Variants in SBF2 observed in about 807,000 individuals in gnomAD.
SBF2 encodes the protein myotubularin-related protein 13.
In SBF2, 112 loss-of-function variants were observed where a neutral mutation model predicts 225.2. The observed-to-expected ratio is 0.50, with a 90% confidence interval of 0.43 to 0.58. The LOEUF (loss-of-function observed/expected upper bound fraction) is 0.58, where lower values mean the gene tolerates loss of function less well. SBF2 is among the 20% of genes least tolerant of loss of function. SBF2 has a pLI of 0.00. For missense variants in SBF2, 1,996 were observed against 2,206.2 expected, an observed-to-expected ratio of 0.90 and a Z score of 1.91; for synonymous variants, 763 against 773.3, an observed-to-expected ratio of 0.99 and a Z score of 0.22.
At chr11:10,016,067 A>G (rs939872971) in intron 6 of SBF2, among the ~76,000 whole-genome samples, 4 of 151,758 alleles carry the variant, frequency 2.6e-5, no homozygotes, top group African/African-American at 9.7e-5. Flanking sequence ...ATGAGCCACC[A>G]TGCCTGGCCC....
intron 28 of SBF2, among the ~76,000 whole-genome samples, chr11:9,822,684 T>C (rs1175646900): frequency 1.3e-5 from 2 of 152,230 alleles, no homozygotes; most frequent in East Asian, 3.8e-4. Context: ...AGGAATGCGT[T>C]ACTGTTCAGA....
At chr11:10,255,947 G>GCTCC (rs1278769305) in intron 1 of SBF2, among the ~76,000 whole-genome samples, 1 of 152,166 alleles carries the variant, frequency 6.6e-6, no homozygotes, top group African/African-American at 2.4e-5. Flanking sequence ...AGTCCCTGTT[G>GCTCC]CTCCCACCTG....
chr11:10,055,531 ACACAC>A (rs1321757605), intron 2 of SBF2, among the ~76,000 whole-genome samples: 1 of 49,058 alleles, frequency 2.0e-5, no homozygotes, highest in Non-Finnish European at 5.0e-5. Flanking sequence ...TGATACACAC[ACACAC>A]ACACACACAC....
intron 16 of SBF2, among the ~76,000 whole-genome samples, chr11:9,941,416 C>T (rs538862447): frequency 6.6e-6 from 1 of 152,198 alleles, no homozygotes; most frequent in Non-Finnish European, 1.5e-5. Context: ...AAGGAACACA[C>T]GATTTCACTC....
intron 16 of SBF2, among the ~76,000 whole-genome samples, chr11:9,925,401 C>A (rs943416202): frequency 1.3e-5 from 2 of 152,146 alleles, no homozygotes; most frequent in Non-Finnish European, 2.9e-5. Flanking sequence ...CCTCAGCCTC[C>A]CAAGTAGCTG....
chr11:10,006,818 G>A (rs987852333), intron 6 of SBF2, among the ~76,000 whole-genome samples: 2 of 152,116 alleles, frequency 1.3e-5, no homozygotes, highest in African/African-American at 4.8e-5. Context: ...GGGAAGTTCA[G>A]CCCCCTTGCA....
chr11:10,265,027 T>G (rs187564658), intron 1 of SBF2, among the ~76,000 whole-genome samples: 222 of 152,338 alleles, frequency 1.5e-3, no homozygotes, highest in Middle Eastern at 0.014. Flanking sequence ...TTGTGAGTAG[T>G]GTCGCAGTAA....
chr11:9,872,184 T>C (rs936798712), intron 17 of SBF2, among the ~76,000 whole-genome samples: 3 of 152,026 alleles, frequency 2.0e-5, no homozygotes, highest in Non-Finnish European at 4.4e-5. Context: ...TAGATGGAGG[T>C]GGAAGCTATT....
intron 2 of SBF2, among the ~76,000 whole-genome samples, chr11:10,128,438 C>G (rs1302876028): frequency 6.6e-6 from 1 of 152,238 alleles, no homozygotes; most frequent in African/African-American, 2.4e-5. Flanking sequence ...TTCCTCTTTT[C>G]CCTGTAAGAA....
intron 16 of SBF2, among the ~76,000 whole-genome samples, chr11:9,939,199 G>A (rs906756773): frequency 3.3e-5 from 5 of 152,020 alleles, no homozygotes; most frequent in Admixed American, 2.0e-4. Flanking sequence ...AGGTTCAAGC[G>A]AGTCTCCTGC....
chr11:10,083,089 C>T (rs1951431157), intron 2 of SBF2, among the ~76,000 whole-genome samples: 1 of 152,002 alleles, frequency 6.6e-6, no homozygotes, highest in Non-Finnish European at 1.5e-5. Flanking sequence ...CAATAACTAC[C>T]AAACTGAGAA....
At chr11:10,038,184 G>C (rs1302314394) in intron 3 of SBF2, among the ~76,000 whole-genome samples, 2 of 151,812 alleles carry the variant, frequency 1.3e-5, no homozygotes, top group African/African-American at 4.8e-5. Flanking sequence ...TAGTATATGT[G>C]GTTATTATTT....
At chr11:10,296,951 A>G (rs1364613675), upstream of SBF2, among the ~76,000 whole-genome samples, 1 of 152,198 alleles carries the variant, frequency 6.6e-6, no homozygotes, top group Non-Finnish European at 1.5e-5. Flanking sequence ...TTCCCTAAAG[A>G]CTAATGATGT....
In SBF2 at chr11:10,294,103, C is replaced by T; in HGVS notation, c.-34G>A. ...CCGCCGCGCTCGGGAAGCGGGTCCCCGTCGCCGCCCTCGCCGCCGCCGCCC... is the reference window on the plus strand; with the variant it reads ...CCGCCGCGCTCGGGAAGCGGGTCCCTGTCGCCGCCCTCGCCGCCGCCGCCC... On this transcript the variant is annotated 5_prime_UTR_variant, in exon 1 of 40. Coordinates refer to ENST00000256190, the MANE Select transcript of SBF2 (RefSeq NM_030962.4). 7.5e-7 allele frequency: 1 copy of T among 1,324,762 alleles called. No individual in the cohort carries two copies. Among genetic ancestry groups the T allele is most frequent in the South Asian group, 2.1e-5 (1 of 46,588 alleles). 82.1% of individuals were successfully genotyped at this position (1,324,762 alleles called of 1,614,324 possible).
chr11:9,874,696 C>T (rs7943244), intron 17 of SBF2, among the ~76,000 whole-genome samples: 1 of 152,088 alleles, frequency 6.6e-6, no homozygotes, highest in South Asian at 2.1e-4. Context: ...CACTGAGGTA[C>T]TGCCTACACA....
chr11:9,962,146 T>C (rs1866614626), intron 15 of SBF2, 40 bp from the exon 16 acceptor site: 1 of 1,592,162 alleles, frequency 6.3e-7, no homozygotes, highest in Non-Finnish European at 8.6e-7. Flanking sequence ...ATGGTACCAC[T>C]GGGGGAAACA....
intron 35 of SBF2, chr11:9,788,085 G>A (rs923465111): frequency 2.9e-6 from 1 of 341,152 alleles, no homozygotes; most frequent in African/African-American, 2.1e-5. Context: ...CTGGCCCGTG[G>A]CCCAGCCCTA....
At chr11:10,031,027 T>C in intron 4 of SBF2, 21 bp downstream of exon 4, 1 of 1,594,724 alleles carries the variant, frequency 6.3e-7, no homozygotes, top group Non-Finnish European at 8.6e-7. Flanking sequence ...AAATTAATAA[T>C]GATAACTATG....
chr11:9,977,063 G>T (rs1946728804), intron 13 of SBF2, among the ~76,000 whole-genome samples: 1 of 152,070 alleles, frequency 6.6e-6, no homozygotes, highest in South Asian at 2.1e-4. Flanking sequence ...CCACCCAACT[G>T]ATTTCTTAAT....
Sources: allele counts gnomAD v4.1 joint callset (sites outside exome capture counted in the v4.1 genomes callset), GRCh38; gene constraint gnomAD v4.1.1; transcripts MANE v1.5; gene names NCBI Gene and HGNC (gene_info 2026-07-23, HGNC 2026-07-21).